AFAP1: variants seen among roughly 807,000 people sequenced by gnomAD.
The protein encoded by AFAP1 is actin filament-associated protein 1.
Under a neutral mutation model 93.9 loss-of-function variants are expected in AFAP1, and 75 were observed. That is an observed-to-expected ratio of 0.80 (90% CI 0.66 to 0.97). The LOEUF is 0.97. AFAP1 is among the 50% of genes least tolerant of loss of function. The probability of loss-of-function intolerance (pLI) is 0.00; values close to 1 mark genes in which losing one functional copy is unlikely to be tolerated. For missense variants in AFAP1, 1,201 were observed against 1,050.8 expected (o/e 1.14, Z -1.98); for synonymous variants, 517 against 430.7 (o/e 1.20, Z -2.48).
At chr4:7,918,652 C>T (rs1486753154) in intron 1 of AFAP1, among the ~76,000 whole-genome samples, 2 of 139,376 alleles carry the variant, frequency 1.4e-5, no homozygotes, top group African/African-American at 5.4e-5. Context: ...ATGAGACACT[C>T]GGCCCAGGTC....
intron 4 of AFAP1, among the ~76,000 whole-genome samples, chr4:7,847,773 G>A (rs1445057654): frequency 8.1e-6 from 1 of 123,490 alleles, no homozygotes; most frequent in Non-Finnish European, 1.7e-5. Flanking sequence ...GGAACAGGAA[G>A]GTTCTATTTC....
At chr4:7,778,926 A>C in intron 13 of AFAP1, 50 bp from the exon 14 acceptor site, 1 of 1,380,368 alleles carries the variant, frequency 7.2e-7, no homozygotes, top group Non-Finnish European at 1.0e-6. Flanking sequence ...AAAGTCAAAC[A>C]AATCTTGGTC....
chr4:7,787,364 T>C (rs1322433889), intron 11 of AFAP1, among the ~76,000 whole-genome samples: 2 of 152,252 alleles, frequency 1.3e-5, no homozygotes, highest in African/African-American at 4.8e-5. Context: ...AAGCAAGCTC[T>C]TCCTGAGTTC....
rs756439817 is a variant in AFAP1, at chr4:7,762,101, CTT to C, written c.*1662_*1663del. The C allele has an allele frequency of 6.6e-6, 1 of 152,390 alleles. No individual in the cohort carries two copies. Among genetic ancestry groups the C allele is most frequent in the South Asian group, 2.1e-4 (1 of 4,826 alleles). 9.4% of individuals were successfully genotyped at this position (152,390 alleles called of 1,614,324 possible). On this transcript the variant is annotated 3_prime_UTR_variant, in exon 18 of 18. Coordinates refer to ENST00000420658, the MANE Select transcript of AFAP1 (RefSeq NM_001134647.2). ...GCAGCTTCCAATTCGTGTTGTAAAA[CTT>C]TTTCTTATACATGGGAGACCGCTTT...
At chr4:7,837,979 A>C (rs1001637369) in intron 6 of AFAP1, among the ~76,000 whole-genome samples, 3 of 152,252 alleles carry the variant, frequency 2.0e-5, no homozygotes, top group African/African-American at 7.2e-5. Flanking sequence ...ATACCGCTAC[A>C]TTCCAGCCTG....
Position 7,800,509 on chromosome 4 carries a change from C to A in AFAP1, c.1199G>T (p.Gly400Val). ...CGTCAGAGGATGTTTAGAATCCAAA[C>A]CCGGGATCACCTCGCAGCCACGGAG... ...IPLRGCEVIP[G>V]LDSKHPLTFR... The change falls in exon 10 of 18, where the codon GGT becomes GTT. Residue 400 changes from glycine to valine, a missense_variant. Physicochemically the swap from Gly to Val is moderately radical, Grantham distance 109 (BLOSUM62 -3). Coordinates refer to ENST00000420658, the MANE Select transcript of AFAP1 (RefSeq NM_001134647.2). 6.2e-7 allele frequency: 1 copy of A among 1,614,246 alleles called. No homozygotes were observed. The highest frequency in any genetic ancestry group is 8.5e-7 in the Non-Finnish European group (1 of 1,180,040).
intron 13 of AFAP1, 28 bp from the exon 14 acceptor site, chr4:7,778,904 A>G (rs548149366): frequency 3.4e-6 from 5 of 1,475,068 alleles, no homozygotes; most frequent in East Asian, 4.6e-5. Context: ...TAAGAACATT[A>G]AAAATAAACA....
rs2148923969 is a variant in AFAP1, at chr4:7,760,091, G to A, written c.*3674C>T. ...CAACCCTACACCTAACCCCAGCTTC[G>A]ACGCTGCCCTTTGAGTCCCGTGCAC... On this transcript the variant is annotated 3_prime_UTR_variant, in exon 18 of 18. Coordinates refer to ENST00000420658, the MANE Select transcript of AFAP1 (RefSeq NM_001134647.2). The A allele has an allele frequency of 6.6e-6, 1 of 152,350 alleles. No individual in the cohort carries two copies. Among genetic ancestry groups the A allele is most frequent in the South Asian group, 2.1e-4 (1 of 4,822 alleles). 9.4% of individuals were successfully genotyped at this position (152,350 alleles called of 1,614,324 possible).
At chr4:7,832,233 A>G (rs981081016) in intron 6 of AFAP1, among the ~76,000 whole-genome samples, 1 of 152,050 alleles carries the variant, frequency 6.6e-6, no homozygotes, top group African/African-American at 2.4e-5. Context: ...ACTTCCAATC[A>G]CAGGACTTCC....
intron 1 of AFAP1, among the ~76,000 whole-genome samples, chr4:7,875,821 T>C (rs1383330621): frequency 2.0e-5 from 3 of 152,218 alleles, no homozygotes; most frequent in African/African-American, 2.4e-5. Flanking sequence ...TATGTTAAAA[T>C]AGACAAAAAG....
At chr4:7,840,642 T>G (rs1351337372) in intron 5 of AFAP1, among the ~76,000 whole-genome samples, 2 of 152,128 alleles carry the variant, frequency 1.3e-5, no homozygotes, top group African/African-American at 4.8e-5. Context: ...ATCCAGGACT[T>G]TGAAGTACAC....
intron 1 of AFAP1, among the ~76,000 whole-genome samples, chr4:7,888,134 G>A (rs577450154): frequency 3.3e-5 from 5 of 152,282 alleles, no homozygotes; most frequent in African/African-American, 1.2e-4. Flanking sequence ...GCCCCATAAA[G>A]AACAATTATT....
At position 7,781,491 on chromosome 4, in the gene AFAP1, G is replaced by A; in HGVS notation, c.1667C>T (p.Ala556Val). 6.4e-7 allele frequency: 1 copy of A among 1,552,262 alleles called. No homozygotes were observed. Among genetic ancestry groups the A allele is most frequent in the Non-Finnish European group, 8.7e-7 (1 of 1,147,132 alleles). The change falls in exon 13 of 18, where the codon GCC becomes GTC. Residue 556 changes from alanine to valine, a missense_variant. Physicochemically the swap from Ala to Val is moderately conservative, Grantham distance 64 (BLOSUM62 0). Coordinates refer to ENST00000420658, the MANE Select transcript of AFAP1 (RefSeq NM_001134647.2). ...FARYSPADRK[A>V]SRLSADKLSS... ...CAGCTTGTCAGCAGACAGCCTAGAG[G>A]CCTTTCTGTCAGCAGGAGAGTAGCG...
At chr4:7,889,752 G>A (rs113946220) in intron 1 of AFAP1, among the ~76,000 whole-genome samples, 3,022 of 146,806 alleles carry the variant, frequency 0.021, 104 homozygotes, top group African/African-American at 0.072. Flanking sequence ...AAGCAACCTA[G>A]TACCACTTCC....
Position 7,798,236 on chromosome 4 carries a change from C to A in AFAP1, c.1266+2206G>T, listed in dbSNP as rs575217456. ...CACTGCAACTCTATTGGCTGGCTCA[C>A]GGCACTGCAACTCTATTGGCTGGCT... On this transcript the variant is annotated intron_variant, in intron 10 of 17. Transcript: ENST00000420658. 1.9e-4 allele frequency among the ~76,000 whole-genome samples: 28 copies of A among 143,658 alleles called. 3 individuals carry two copies. Among genetic ancestry groups the A allele is most frequent in the African/African-American group, 7.4e-4 (28 of 37,802 alleles). The allele number at this position is 143,658 out of a possible 152,430, so 94.2% of individuals were successfully genotyped here.
At chr4:7,854,135 G>T (rs182597737) in intron 4 of AFAP1, among the ~76,000 whole-genome samples, 1 of 152,282 alleles carries the variant, frequency 6.6e-6, no homozygotes, top group East Asian at 1.9e-4. Flanking sequence ...TTTACTCACT[G>T]CCATTAAAAA....
chr4:7,841,155 C>G (rs1423485892), intron 5 of AFAP1, among the ~76,000 whole-genome samples: 1 of 152,220 alleles, frequency 6.6e-6, no homozygotes, highest in Non-Finnish European at 1.5e-5. Flanking sequence ...AATGGGCGTC[C>G]TGAAGACAAC....
chr4:7,892,557 C>T (rs765208705), intron 1 of AFAP1, among the ~76,000 whole-genome samples: 2 of 152,174 alleles, frequency 1.3e-5, no homozygotes, highest in Non-Finnish European at 2.9e-5. Flanking sequence ...CAGACATTCC[C>T]CATTCACCTC....
intron 1 of AFAP1, among the ~76,000 whole-genome samples, chr4:7,937,743 TCCCAAAGTTCTGGG>T (rs1233714549): frequency 1.3e-5 from 2 of 152,152 alleles, no homozygotes; most frequent in African/African-American, 4.8e-5. Flanking sequence ...TGCCTCGACC[TCCCAAAGTTCTGGG>T]ATTACAGGCG....
Sources: allele counts gnomAD v4.1 joint callset (sites outside exome capture counted in the v4.1 genomes callset), GRCh38; gene constraint gnomAD v4.1.1; transcripts MANE v1.5; gene names NCBI Gene and HGNC (gene_info 2026-07-23, HGNC 2026-07-21).